CNOT6: variants seen among roughly 807,000 people sequenced by gnomAD.
The protein encoded by CNOT6 is carbon catabolite repression 4 protein.
CNOT6 carries 12 observed loss-of-function variants against 61.2 expected under a neutral mutation model. The ratio of observed to expected loss-of-function variants is 0.20; its 90% CI spans 0.13 to 0.32. CNOT6 has a LOEUF of 0.32. Among genes scored for constraint, CNOT6 ranks in the 10% least tolerant of loss-of-function variants. The pLI, the probability that CNOT6 is intolerant of heterozygous loss-of-function variation, is 1.00. For synonymous variants in CNOT6, 225 were observed against 240.6 expected, an observed-to-expected ratio of 0.94 and a Z score of 0.60; for missense variants, 405 against 663.9, an observed-to-expected ratio of 0.61 and a Z score of 4.28.
chr5:180,554,345 G>A (rs1302518299), intron 4 of CNOT6, among the ~76,000 whole-genome samples: 1 of 151,956 alleles, frequency 6.6e-6, no homozygotes, highest in East Asian at 1.9e-4. Context: ...TTGAACCTGG[G>A]AAGCAGAGGT....
rs56899929 is a variant in CNOT6, at chr5:180,510,134, CTTTTTTTTTTTTTTTT to C, written c.-3+15391_-3+15406del. On this transcript the variant is annotated intron_variant, in intron 1 of 11. Coordinates refer to ENST00000261951, the MANE Select transcript of CNOT6 (RefSeq NM_001370472.1). ...TAAATGAGGTTTATCGTCTGTAAAC[CTTTTTTTTTTTTTTTT>C]TTTTTTTTTTTTTTTTTTTAAGAGA... Among the ~76,000 whole-genome samples the C allele has an allele frequency of 7.5e-3, 280 of 37,412 alleles. 5 individuals are homozygous for C. Among genetic ancestry groups the C allele is most frequent in the African/African-American group, 0.021 (227 of 10,868 alleles). 24.5% of individuals were successfully genotyped at this position (37,412 alleles called of 152,430 possible). A position where few individuals can be genotyped will look rare whatever the true frequency, so the allele number is the denominator to read the frequency against.
chr5:180,533,341 T>TATATATATATATATCAC, intron 2 of CNOT6, among the ~76,000 whole-genome samples: 1 of 141,366 alleles, frequency 7.1e-6, no homozygotes, highest in African/African-American at 2.6e-5. Flanking sequence ...TATATATATA[T>TATATATATATATATCAC]ATCACCGTAA....
At chr5:180,520,487 C>G (rs1351855772) in intron 1 of CNOT6, among the ~76,000 whole-genome samples, 1 of 151,916 alleles carries the variant, frequency 6.6e-6, no homozygotes, top group South Asian at 2.1e-4. Context: ...ACTAAAAATA[C>G]AAAAATTAGC....
chr5:180,518,094 T>C (rs56318449), intron 1 of CNOT6, among the ~76,000 whole-genome samples: 2,880 of 152,352 alleles, frequency 0.019, 38 homozygotes, highest in Non-Finnish European at 0.027. Context: ...AGGATTATGT[T>C]ATCTCTCTTT....
rs146260092 is a variant in CNOT6 at position 180,571,372 on chromosome 5, G to A, written c.1401G>A (p.Lys467=). ...TTNGRITHGF[K]LQSAYESGLM... The stretch of plus-strand genomic sequence containing the variant: ...ATGGAAGGATCACTCATGGTTTCAA[G>A]TTACAGAGTGCCTATGAGAGTGGCC... Residue 467 remains lysine, a synonymous_variant, in exon 11 of 12, where the codon AAG becomes AAA. Transcript: ENST00000261951. 317 of 1,614,184 alleles carry A rather than the reference G, an allele frequency of 2.0e-4. No homozygotes were observed. In the African/African-American group the frequency reaches 2.8e-3, roughly 14 times the overall value.
chr5:180,516,313 G>A (rs911545061), intron 1 of CNOT6, among the ~76,000 whole-genome samples: 3 of 151,860 alleles, frequency 2.0e-5, no homozygotes, highest in Admixed American at 6.6e-5. Flanking sequence ...CCGAGTAGCT[G>A]GGACTACAGG....
At chr5:180,567,456 T>G (rs926149678) in intron 8 of CNOT6, among the ~76,000 whole-genome samples, 1 of 152,200 alleles carries the variant, frequency 6.6e-6, no homozygotes, top group Non-Finnish European at 1.5e-5. Flanking sequence ...TTTCTTCAGG[T>G]GTTTACTAGG....
intron 4 of CNOT6, among the ~76,000 whole-genome samples, chr5:180,563,247 G>A (rs1000957154): frequency 5.3e-4 from 76 of 143,346 alleles, no homozygotes; most frequent in African/African-American, 1.9e-3. Context: ...ACAGAGTCTC[G>A]CTCTGTTGCC....
chr5:180,505,962 T>C (rs1167854462), intron 1 of CNOT6, among the ~76,000 whole-genome samples: 2 of 152,250 alleles, frequency 1.3e-5, no homozygotes, highest in East Asian at 3.9e-4. Context: ...GTGAGGAGGT[T>C]AATTTGGGAA....
At chr5:180,538,461 C>T (rs942342801) in intron 2 of CNOT6, among the ~76,000 whole-genome samples, 7 of 150,150 alleles carry the variant, frequency 4.7e-5, no homozygotes, top group African/African-American at 1.7e-4. Context: ...TAAGGGAGGC[C>T]GATTACCTGA....
chr5:180,572,717 T>C (rs1027755925), intron 11 of CNOT6, among the ~76,000 whole-genome samples: 3 of 150,528 alleles, frequency 2.0e-5, no homozygotes, highest in African/African-American at 7.3e-5. Context: ...ACCCAGATCT[T>C]TTTTTTTTGG....
At chr5:180,569,782 CT>C (rs1760650388) in intron 10 of CNOT6, among the ~76,000 whole-genome samples, 1 of 152,084 alleles carries the variant, frequency 6.6e-6, no homozygotes, top group Non-Finnish European at 1.5e-5. Context: ...AAATGAGCTC[CT>C]TTATTTGCAC....
intron 4 of CNOT6, among the ~76,000 whole-genome samples, chr5:180,559,742 G>A (rs1237067349): frequency 6.6e-6 from 1 of 151,830 alleles, no homozygotes; most frequent in African/African-American, 2.4e-5. Flanking sequence ...TTTCTGTAGT[G>A]GTTTGAGTGT....
At chr5:180,553,216 GT>G (rs375123503) in intron 3 of CNOT6, among the ~76,000 whole-genome samples, 169 bp from the exon 4 acceptor site, 24 of 146,098 alleles carry the variant, frequency 1.6e-4, no homozygotes, top group Admixed American at 2.1e-4. Context: ...TTCTCTGGCA[GT>G]TTTTTTTTTT....
At chr5:180,545,998 G>A (rs1230351757) in intron 2 of CNOT6, among the ~76,000 whole-genome samples, 1 of 151,880 alleles carries the variant, frequency 6.6e-6, no homozygotes, top group Non-Finnish European at 1.5e-5. Context: ...TCTTTCACTC[G>A]GTTTGAAAAT....
intron 8 of CNOT6, 51 bp downstream of exon 8, chr5:180,567,293 G>C: frequency 6.6e-7 from 1 of 1,511,438 alleles, no homozygotes. Context: ...TTTGCAGGGT[G>C]GGGGCCAAGG....
Position 180,575,326 on chromosome 5 carries a change from G to A in CNOT6, c.*1126G>A, listed in dbSNP as rs1055409303. 2 of 151,646 alleles carry A rather than the reference G, an allele frequency of 1.3e-5. No homozygotes were observed. The highest frequency in any genetic ancestry group is 4.8e-5 in the African/African-American group (2 of 41,250). The allele number at this position is 151,646 out of a possible 1,614,324, so 9.4% of individuals were successfully genotyped here. ...CATTTTGGAACATGTTATAGGGTGA[G>A]TCCCTGGATCTTTGCTCACCAGATC... is the stretch of plus-strand genomic sequence containing the variant. On this transcript the variant is annotated 3_prime_UTR_variant, in exon 12 of 12. Coordinates refer to ENST00000261951, the MANE Select transcript of CNOT6 (RefSeq NM_001370472.1).
At chr5:180,541,800 C>A (rs1221588980) in intron 2 of CNOT6, among the ~76,000 whole-genome samples, 1 of 150,260 alleles carries the variant, frequency 6.7e-6, no homozygotes. Context: ...GAGATGGAGT[C>A]TTGCTCTGTC....
chr5:180,571,757 G>A (rs1030955219), intron 11 of CNOT6, among the ~76,000 whole-genome samples: 105 of 152,096 alleles, frequency 6.9e-4, no homozygotes, highest in African/African-American at 2.5e-3. Flanking sequence ...GTAGAGATGG[G>A]GTCTCGCTAT....
Sources: gnomAD v4.1 joint callset for allele counts (sites outside exome capture counted in the v4.1 genomes callset) on GRCh38, gnomAD v4.1.1 for gene constraint, MANE v1.5 for transcripts, NCBI Gene and HGNC (gene_info 2026-07-23, HGNC 2026-07-21) for gene names.